Variants in PTPRN2 observed in about 807,000 individuals in gnomAD.
PTPRN2 encodes protein tyrosine phosphatase receptor type N2.
PTPRN2 carries 74 observed loss-of-function variants against 118.8 expected under a neutral mutation model. That is an observed-to-expected ratio of 0.62 (90% confidence interval 0.52 to 0.76). The LOEUF is 0.76. PTPRN2 is among the 30% of genes least tolerant of loss of function. The probability of loss-of-function intolerance (pLI) is 0.00; values close to 1 mark genes in which losing one functional copy is unlikely to be tolerated. For missense variants in PTPRN2, 1,481 were observed against 1,394.4 expected (o/e 1.06, Z -0.99); for synonymous variants, 641 against 608.0 (o/e 1.05, Z -0.80).
At chr7:157,833,335 G>A (rs887521240) in intron 12 of PTPRN2, among the ~76,000 whole-genome samples, 1 of 149,210 alleles carries the variant, frequency 6.7e-6, no homozygotes, top group African/African-American at 2.5e-5. Flanking sequence ...CCAGGAGCGA[G>A]ATGTGGCTGG....
intron 11 of PTPRN2, among the ~76,000 whole-genome samples, chr7:157,975,336 T>C (rs10155861): frequency 0.68 from 103,950 of 152,054 alleles, 35,595 homozygotes; most frequent in East Asian, 0.74. Flanking sequence ...GGATAAGGAC[T>C]GGATGCCAGC....
At chr7:158,459,595 C>T (rs1818818403) in intron 2 of PTPRN2, among the ~76,000 whole-genome samples, 2 of 152,230 alleles carry the variant, frequency 1.3e-5, no homozygotes, top group South Asian at 2.1e-4. Flanking sequence ...ACACACATGA[C>T]TCGGAGAAAG....
chr7:158,204,054 G>A (rs558594657), intron 4 of PTPRN2, among the ~76,000 whole-genome samples: 89 of 137,044 alleles, frequency 6.5e-4, no homozygotes, highest in African/African-American at 2.4e-3. Flanking sequence ...GGAAAGACAC[G>A]GCCCCTGCCC....
intron 12 of PTPRN2, among the ~76,000 whole-genome samples, chr7:157,755,472 T>G (rs1441645441): frequency 6.6e-6 from 1 of 151,978 alleles, no homozygotes; most frequent in Non-Finnish European, 1.5e-5. Context: ...ACGGGGGGGT[T>G]TGAGAAGTTG....
intron 9 of PTPRN2, among the ~76,000 whole-genome samples, chr7:158,121,495 C>G (rs554658541): frequency 1.3e-5 from 2 of 152,222 alleles, no homozygotes; most frequent in South Asian, 4.1e-4. Context: ...CTACTGCCCC[C>G]TGCGGAGCAT....
intron 3 of PTPRN2, among the ~76,000 whole-genome samples, chr7:158,216,554 A>C (rs1003309669): frequency 6.6e-6 from 1 of 152,142 alleles, no homozygotes; most frequent in Admixed American, 6.5e-5. Context: ...AAAGGATGGA[A>C]GCAATAGCTA....
At chr7:157,639,282 C>T (rs572238186) in intron 14 of PTPRN2, among the ~76,000 whole-genome samples, 11 of 152,272 alleles carry the variant, frequency 7.2e-5, no homozygotes, top group South Asian at 2.1e-4. Flanking sequence ...GTGATCTGCC[C>T]GCCTTGGCCT....
At chr7:158,237,823 C>T (rs904428178) in intron 3 of PTPRN2, among the ~76,000 whole-genome samples, 1 of 152,186 alleles carries the variant, frequency 6.6e-6, no homozygotes, top group Non-Finnish European at 1.5e-5. Flanking sequence ...TTCCTGCTCC[C>T]CCTCTTTCTG....
chr7:157,844,572 G>A (rs893371726), intron 12 of PTPRN2, among the ~76,000 whole-genome samples: 3 of 152,192 alleles, frequency 2.0e-5, no homozygotes, highest in African/African-American at 7.2e-5. Flanking sequence ...ACCAGCCTGG[G>A]GTCCTGAAGC....
intron 6 of PTPRN2, among the ~76,000 whole-genome samples, chr7:158,144,872 C>A (rs1428261949): frequency 6.6e-6 from 1 of 152,202 alleles, no homozygotes; most frequent in Admixed American, 6.5e-5. Flanking sequence ...CCTCTCAAAC[C>A]CACACAGAGG....
At chr7:157,899,937 GC>G (rs374099899) in intron 11 of PTPRN2, among the ~76,000 whole-genome samples, 181 of 152,278 alleles carry the variant, frequency 1.2e-3, no homozygotes, top group African/African-American at 4.2e-3. Context: ...GAGCTATAAG[GC>G]CATCGGTGCT....
chr7:158,277,137 GCA>G (rs1240472517), intron 3 of PTPRN2, among the ~76,000 whole-genome samples: 1 of 152,186 alleles, frequency 6.6e-6, no homozygotes, highest in African/African-American at 2.4e-5. Flanking sequence ...GCCCGCACAC[GCA>G]CACACGCGCA....
intron 2 of PTPRN2, among the ~76,000 whole-genome samples, chr7:158,380,418 A>G (rs1464041318): frequency 3.3e-5 from 5 of 152,206 alleles, no homozygotes; most frequent in Admixed American, 1.3e-4. Context: ...GCAAGTCTGA[A>G]ATCTAGCAGG....
intron 12 of PTPRN2, among the ~76,000 whole-genome samples, chr7:157,751,885 C>T (rs1192577755): frequency 6.6e-6 from 1 of 152,034 alleles, no homozygotes; most frequent in East Asian, 1.9e-4. Context: ...GGACAGAGAC[C>T]ACCGTGAACA....
chr7:157,911,330 C>T (rs1798096173), intron 11 of PTPRN2, among the ~76,000 whole-genome samples: 1 of 152,164 alleles, frequency 6.6e-6, no homozygotes, highest in Non-Finnish European at 1.5e-5. Context: ...TCATTTCTAC[C>T]TGAACAGCCA....
chr7:158,197,023 CATGT>C (rs1554578726), intron 4 of PTPRN2, among the ~76,000 whole-genome samples: 1 of 152,114 alleles, frequency 6.6e-6, no homozygotes, highest in Non-Finnish European at 1.5e-5. Context: ...TATGTATATA[CATGT>C]ATGTGTGTGT....
intron 2 of PTPRN2, among the ~76,000 whole-genome samples, chr7:158,395,343 GGGGCCAGGGGCCAGGGGCGAGGGGCGA>G (rs1812302806): frequency 3.4e-4 from 4 of 11,608 alleles, no homozygotes; most frequent in East Asian, 1.9e-3. Context: ...CGAGGCGCGA[GGGGCCAGGGGCCAGGGGCGAGGGGCGA>G]GGGGGAGGCG....
intron 2 of PTPRN2, among the ~76,000 whole-genome samples, chr7:158,328,660 G>A (rs1360964273): frequency 1.3e-5 from 2 of 152,132 alleles, no homozygotes; most frequent in African/African-American, 4.8e-5. Flanking sequence ...AGATCCCAGT[G>A]AGGCCTGGGA....
At position 157,611,774 on chromosome 7, in the gene PTPRN2, CA is replaced by C. The variant is rs1802357177; in HGVS notation, c.2345-7700del. Among the ~76,000 whole-genome samples, 4 of 141,314 alleles carry C rather than the reference CA, an allele frequency of 2.8e-5. No homozygotes were observed. Among genetic ancestry groups the C allele is most frequent in the African/African-American group, 8.0e-5 (3 of 37,380 alleles). The allele number at this position is 141,314 out of a possible 152,430, so 92.7% of individuals were successfully genotyped here. A position where few individuals can be genotyped will look rare whatever the true frequency, so the allele number is the denominator to read the frequency against. On this transcript the variant is annotated intron_variant, in intron 15 of 22. Transcript: ENST00000389418. This position sits in a 1 kb window ranked among gnomAD's most constrained non-coding sequence, Gnocchi z 5.9. ...GCCCGTGTGAAGACGAAGACAGCCG[CA>C]GTCATGCTGGGGACACGCGGAGGGA...
Sources: gnomAD v4.1 joint callset for allele counts (sites outside exome capture counted in the v4.1 genomes callset) on GRCh38, gnomAD v4.1.1 for gene constraint, Gnocchi (gnomAD v3.1) non-coding constraint, MANE v1.5 for transcripts, NCBI Gene and HGNC (gene_info 2026-07-23, HGNC 2026-07-21) for gene names.